CNTN1: variants seen among roughly 807,000 people sequenced by gnomAD.
The protein encoded by CNTN1 is contactin 1.
In CNTN1, 38 loss-of-function variants were observed where a neutral mutation model predicts 126.4. That is an observed-to-expected ratio of 0.30 (90% confidence interval 0.23 to 0.39). CNTN1 has a LOEUF of 0.39. CNTN1 is among the 10% of genes least tolerant of loss of function. The pLI is 1.00. For synonymous variants in CNTN1, 413 were observed against 422.6 expected, an observed-to-expected ratio of 0.98 and a Z score of 0.28; for missense variants, 1,009 against 1,248.4, an observed-to-expected ratio of 0.81 and a Z score of 2.89.
chr12:40,836,818 G>A (rs887758727), intron 1 of CNTN1, among the ~76,000 whole-genome samples: 1 of 152,170 alleles, frequency 6.6e-6, no homozygotes, highest in African/African-American at 2.4e-5. Flanking sequence ...TGTGTTTGGT[G>A]TTGAGATAAT....
chr12:40,708,748 C>A (rs1402166167), intron 1 of CNTN1, among the ~76,000 whole-genome samples: 1 of 152,198 alleles, frequency 6.6e-6, no homozygotes, highest in East Asian at 1.9e-4. Context: ...TTCACAGCAT[C>A]TTCAAGAGGA....
intron 23 of CNTN1, among the ~76,000 whole-genome samples, chr12:41,067,532 C>T (rs905445238): frequency 1.3e-5 from 2 of 149,926 alleles, no homozygotes; most frequent in African/African-American, 4.9e-5. Flanking sequence ...AAACCAAACA[C>T]CGCATATTCT....
chr12:40,940,975 G>A (rs1946246509), intron 12 of CNTN1, among the ~76,000 whole-genome samples: 1 of 152,146 alleles, frequency 6.6e-6, no homozygotes, highest in South Asian at 2.1e-4. Context: ...CAAACCATTA[G>A]TTCTCTTCCG....
At chr12:41,028,819 A>G (rs1249207568) in intron 22 of CNTN1, among the ~76,000 whole-genome samples, 1 of 152,186 alleles carries the variant, frequency 6.6e-6, no homozygotes, top group East Asian at 1.9e-4. Flanking sequence ...CATCTCAAAA[A>G]ATAAAATTCA....
Position 41,016,739 on chromosome 12 carries a change from C to A in CNTN1, c.2242C>A (p.Pro748Thr), listed in dbSNP as rs1948789916. ...TTTTGGTTACATAGTGGCATTTAAGCCATTTGATGGAGAAGAATGGAAAAA... is the reference window on the plus strand; with the variant it reads ...TTTTGGTTACATAGTGGCATTTAAGACATTTGATGGAGAAGAATGGAAAAA... ...NNFGYIVAFK[P>T]FDGEEWKKVT... Residue 748 changes from proline to threonine, a missense_variant, in exon 19 of 24, where the codon CCA (proline) becomes ACA (threonine). By Grantham distance (38) the Pro-to-Thr change is conservative (BLOSUM62 -1). Transcript: ENST00000551295. 9 of 1,614,066 alleles carry A rather than the reference C, an allele frequency of 5.6e-6. No individual in the cohort carries two copies. Among genetic ancestry groups the A allele is most frequent in the Admixed American group, 1.7e-5 (1 of 60,018 alleles).
chr12:41,006,933 C>T (rs985275067), intron 17 of CNTN1, among the ~76,000 whole-genome samples: 3 of 147,716 alleles, frequency 2.0e-5, no homozygotes, highest in Non-Finnish European at 4.4e-5. Context: ...GCTAAGCATA[C>T]AAATCCAATA....
intron 1 of CNTN1, among the ~76,000 whole-genome samples, chr12:40,860,024 A>G (rs1943062925): frequency 6.6e-6 from 1 of 152,080 alleles, no homozygotes; most frequent in African/African-American, 2.4e-5. Context: ...TATCTTACAT[A>G]TTACATTTGA....
At chr12:40,777,436 C>T (rs1052035037) in intron 1 of CNTN1, among the ~76,000 whole-genome samples, 1 of 151,602 alleles carries the variant, frequency 6.6e-6, no homozygotes, top group Non-Finnish European at 1.5e-5. Flanking sequence ...TCTTTGGTAA[C>T]ACCTAGGCGA....
chr12:41,028,519 C>T (rs540700053), intron 22 of CNTN1, among the ~76,000 whole-genome samples: 5 of 152,164 alleles, frequency 3.3e-5, no homozygotes, highest in East Asian at 1.9e-4. Context: ...GGAGAGAGAA[C>T]GAAACTATTT....
chr12:40,731,678 A>G (rs998383481), intron 1 of CNTN1, among the ~76,000 whole-genome samples: 1 of 151,990 alleles, frequency 6.6e-6, no homozygotes, highest in African/African-American at 2.4e-5. Context: ...TAATAATTTC[A>G]GTATTCAACT....
At chr12:40,747,375 G>A (rs1315305320) in intron 1 of CNTN1, among the ~76,000 whole-genome samples, 1 of 151,122 alleles carries the variant, frequency 6.6e-6, no homozygotes, top group Non-Finnish European at 1.5e-5. Flanking sequence ...GGTATCTTCA[G>A]AGAAGCAAGC....
intron 1 of CNTN1, among the ~76,000 whole-genome samples, chr12:40,877,525 G>A (rs1943711629): frequency 6.6e-6 from 1 of 151,950 alleles, no homozygotes; most frequent in East Asian, 1.9e-4. Flanking sequence ...AATCAATCTG[G>A]GACAATATAT....
intron 1 of CNTN1, among the ~76,000 whole-genome samples, chr12:40,761,273 A>G (rs1938855793): frequency 6.6e-6 from 1 of 152,108 alleles, no homozygotes; most frequent in African/African-American, 2.4e-5. Context: ...TTAGTGTAGT[A>G]ACACTTCTTT....
At chr12:40,870,624 C>A (rs1943452703) in intron 1 of CNTN1, among the ~76,000 whole-genome samples, 1 of 151,994 alleles carries the variant, frequency 6.6e-6, no homozygotes, top group East Asian at 1.9e-4. Flanking sequence ...TTATTGAGCA[C>A]CTGCTAACAT....
intron 16 of CNTN1, among the ~76,000 whole-genome samples, chr12:40,988,918 C>T (rs1182818815): frequency 6.6e-6 from 1 of 152,170 alleles, no homozygotes; most frequent in East Asian, 1.9e-4. Context: ...TGACTCAGAA[C>T]TGACCCGGTT....
In CNTN1 at chr12:41,064,672, T is replaced by C. The variant is rs116514099; in HGVS notation, c.2981-5287T>C. ...AGACAAAAATCTGGTGGTTTCCTGCTCTTAAACCCATCTTTGAGTAAAGCA... is the reference window on the plus strand; with the variant it reads ...AGACAAAAATCTGGTGGTTTCCTGCCCTTAAACCCATCTTTGAGTAAAGCA... On this transcript the variant is annotated intron_variant, in intron 23 of 23. Transcript: ENST00000551295. Among the ~76,000 whole-genome samples, 614 of 152,176 alleles carry C rather than the reference T, an allele frequency of 4.0e-3. 7 individuals carry two copies. The highest frequency in any genetic ancestry group is 0.014 in the African/African-American group (582 of 41,498).
chr12:41,012,450 T>C (rs546788968), intron 17 of CNTN1, among the ~76,000 whole-genome samples: 4 of 152,146 alleles, frequency 2.6e-5, no homozygotes, highest in African/African-American at 9.6e-5. Context: ...GAAATTATGA[T>C]AGGAAAGTTG....
At chr12:40,942,906 G>A (rs555092573) in intron 12 of CNTN1, among the ~76,000 whole-genome samples, 1 of 151,934 alleles carries the variant, frequency 6.6e-6, no homozygotes, top group Non-Finnish European at 1.5e-5. Context: ...ATGGATATAC[G>A]TTTGCATGTT....
rs1950162219 is a variant in CNTN1, at chr12:41,071,687, G to A, written c.*1652G>A. 1.3e-5 allele frequency: 2 copies of A among 152,078 alleles called. No individual in the cohort carries two copies. The highest frequency in any genetic ancestry group is 1.3e-4 in the Admixed American group (2 of 15,276). The allele number at this position is 152,078 out of a possible 1,614,324, so 9.4% of individuals were successfully genotyped here. Reference sequence around the variant, plus strand: ...TAAAATGAAACTTTTAAAAATAAGTGAAATGGATGATTTCCCAGTGGAAGT... The same window carrying A: ...TAAAATGAAACTTTTAAAAATAAGTAAAATGGATGATTTCCCAGTGGAAGT... On this transcript the variant is annotated 3_prime_UTR_variant, in exon 24 of 24. Transcript: ENST00000551295.
Sources: gnomAD v4.1 joint callset for allele counts (sites outside exome capture counted in the v4.1 genomes callset) on GRCh38, gnomAD v4.1.1 for gene constraint, MANE v1.5 for transcripts, NCBI Gene and HGNC (gene_info 2026-07-23, HGNC 2026-07-21) for gene names.